The following FAM162B variants were observed in gnomAD, a reference collection of about 807,000 sequenced individuals.
The protein encoded by FAM162B is family with sequence similarity 162 member B.
FAM162B carries 16 observed loss-of-function variants against 20.0 expected under a neutral mutation model. That is an observed-to-expected ratio of 0.80 (90% CI 0.54 to 1.21). FAM162B has a LOEUF of 1.21. Among genes scored for constraint, FAM162B ranks in the 50% most tolerant of loss-of-function variants. FAM162B has a pLI of 0.00. For synonymous variants in FAM162B, 83 were observed against 89.7 expected (o/e 0.93, Z 0.42); for missense variants, 260 against 227.5 (o/e 1.14, Z -0.92).
At chr6:116,754,536 A>C (rs1031970530) in intron 3 of FAM162B, among the ~76,000 whole-genome samples, 1 of 152,218 alleles carries the variant, frequency 6.6e-6, no homozygotes, top group Admixed American at 6.5e-5. Context: ...AAAATTGCTA[A>C]CATTTAATAG....
Position 116,762,461 on chromosome 6 carries a change from A to G in FAM162B, c.282-376T>C, listed in dbSNP as rs574571025. ...ACTTGCAATTATTTAGCCTCTTTGT[A>G]AAGTAGGCTTTGTTTTCCATTTGAA... On this transcript the variant is annotated intron_variant, in intron 2 of 3. Transcript: ENST00000368557. Among the ~76,000 whole-genome samples the G allele has an allele frequency of 2.6e-5, 4 of 151,606 alleles. No homozygotes were observed. The East Asian group carries it at 7.8e-4, about 29-fold the overall frequency.
intron 3 of FAM162B, among the ~76,000 whole-genome samples, chr6:116,756,285 G>A (rs1780050031): frequency 6.6e-6 from 1 of 152,202 alleles, no homozygotes; most frequent in Non-Finnish European, 1.5e-5. Context: ...AGGGGTTCAA[G>A]CCTTCAGTGG....
intron 2 of FAM162B, among the ~76,000 whole-genome samples, chr6:116,763,809 A>G (rs1276540012): frequency 3.0e-5 from 4 of 134,854 alleles, no homozygotes; most frequent in African/African-American, 1.1e-4. Context: ...TTTGGCATTT[A>G]TAGTATTAAA....
At chr6:116,761,234 G>A (rs896418652) in intron 3 of FAM162B, among the ~76,000 whole-genome samples, 4 of 152,078 alleles carry the variant, frequency 2.6e-5, no homozygotes, top group Non-Finnish European at 4.4e-5. Flanking sequence ...GATTTTGGGA[G>A]GCAGAAAACA....
chr6:116,757,628 G>A (rs1780067281), intron 3 of FAM162B, among the ~76,000 whole-genome samples: 1 of 151,820 alleles, frequency 6.6e-6, no homozygotes, highest in Admixed American at 6.6e-5. Flanking sequence ...TGACACCTGT[G>A]GTCCCAGATA....
intron 3 of FAM162B, among the ~76,000 whole-genome samples, chr6:116,757,874 C>A (rs1780071701): frequency 6.6e-6 from 1 of 151,994 alleles, no homozygotes; most frequent in Non-Finnish European, 1.5e-5. Context: ...GCGTTTGAGG[C>A]ACGAGCCTGA....
Position 116,762,072 on chromosome 6 carries a change from C to CT in FAM162B, c.294dup (p.Asp99ArgfsTer38). 1 of 1,584,054 alleles carries CT rather than the reference C, an allele frequency of 6.3e-7. No individual in the cohort carries two copies. The highest frequency in any genetic ancestry group is 8.6e-7 in the Non-Finnish European group (1 of 1,158,504). ...ACTCGAGCTTTGTTTCTTGCGGTGT[C>CT]TATCATTTCTGGCCTAAACAAAGAT... is the stretch of plus-strand genomic sequence containing the variant. On this transcript the variant is annotated frameshift_variant, in exon 3 of 4. Transcript: ENST00000368557. LOFTEE classifies it high-confidence loss of function.
chr6:116,761,920 A>G (rs902033973), intron 3 of FAM162B, 57 bp downstream of exon 3: 3 of 1,262,954 alleles, frequency 2.4e-6, no homozygotes, highest in Non-Finnish European at 3.3e-6. Context: ...TTAGGGAGGT[A>G]CTTAAAAAGA....
intron 2 of FAM162B, 57 bp from the exon 3 acceptor site, chr6:116,762,142 G>A (rs1271066433): frequency 2.2e-6 from 3 of 1,378,046 alleles, no homozygotes; most frequent in African/African-American, 1.4e-5. Flanking sequence ...TTTCTGACAG[G>A]CATGATAGAT....
At chr6:116,765,352 CCCTCCCGCAACCT>C in intron 1 of FAM162B, 40 bp downstream of exon 1, 1 of 1,522,720 alleles carries the variant, frequency 6.6e-7, no homozygotes, top group African/African-American at 1.4e-5. Flanking sequence ...CCCCTCGCTG[CCCTCCCGCAACCT>C]CCTCCCTCCC....
chr6:116,758,067 G>T (rs935513299), intron 3 of FAM162B, among the ~76,000 whole-genome samples: 2 of 152,088 alleles, frequency 1.3e-5, no homozygotes, highest in African/African-American at 4.8e-5. Context: ...AACTAATGAC[G>T]AGCAAATAAA....
chr6:116,765,626 G>A lies in FAM162B; in HGVS notation c.-50C>T, dbSNP rs1212818803. ...CCCGCACCTCCGGACCCAGCCACAG[G>A]CGTTGTCCCCGCAGCTCTCCTCGTC... On this transcript the variant is annotated 5_prime_UTR_variant, in exon 1 of 4. Transcript: ENST00000368557. The A allele has an allele frequency of 7.9e-7, 1 of 1,272,232 alleles. No homozygotes were observed. Among genetic ancestry groups the A allele is most frequent in the Non-Finnish European group, 9.9e-7 (1 of 1,013,572 alleles). 78.8% of individuals were successfully genotyped at this position (1,272,232 alleles called of 1,614,324 possible). A position where few individuals can be genotyped will look rare whatever the true frequency, so the allele number is the denominator to read the frequency against.
intron 3 of FAM162B, among the ~76,000 whole-genome samples, chr6:116,761,635 C>CAT (rs1200824889): frequency 8.5e-6 from 1 of 117,152 alleles, no homozygotes; most frequent in Non-Finnish European, 1.7e-5. Context: ...CATATATATA[C>CAT]ATATATATAC....
chr6:116,758,883 CCTGT>C (rs140074708), intron 3 of FAM162B, among the ~76,000 whole-genome samples: 2,979 of 152,040 alleles, frequency 0.02, 79 homozygotes, highest in South Asian at 0.06. Flanking sequence ...TATTAAGTTG[CCTGT>C]CTATTTGTAT....
intron 3 of FAM162B, among the ~76,000 whole-genome samples, chr6:116,759,594 AC>A (rs1355985147): frequency 6.6e-6 from 1 of 152,068 alleles, no homozygotes; most frequent in African/African-American, 2.4e-5. Context: ...GGCGTGAGCC[AC>A]CGCGCCCGGC....
chr6:116,757,390 G>T (rs1189330085), intron 3 of FAM162B, among the ~76,000 whole-genome samples: 1 of 152,042 alleles, frequency 6.6e-6, no homozygotes, highest in African/African-American at 2.4e-5. Flanking sequence ...ATATAATACG[G>T]TATATGTCAT....
chr6:116,765,048 C>A lies in FAM162B; in HGVS notation c.281+99G>T, dbSNP rs891515292. 4 of 1,114,782 alleles carry A rather than the reference C, an allele frequency of 3.6e-6. No individual in the cohort carries two copies. In the East Asian group the frequency reaches 7.1e-5, roughly 20 times the overall value. The allele number at this position is 1,114,782 out of a possible 1,614,324, so 69.1% of individuals were successfully genotyped here. The stretch of plus-strand genomic sequence containing the variant: ...ATATTGCGAAGTGTTGGCACTGCGG[C>A]CGCTTTCGCTCCTAGGTGGCCGCGG... On this transcript the variant is annotated intron_variant, in intron 2 of 3. Transcript: ENST00000368557.
chr6:116,757,220 T>C (rs1017692424), intron 3 of FAM162B, among the ~76,000 whole-genome samples: 5 of 152,210 alleles, frequency 3.3e-5, no homozygotes, highest in African/African-American at 1.2e-4. Flanking sequence ...AGCACCACCA[T>C]TTAGTAATCA....
In FAM162B at chr6:116,765,010, TGTGTGGTG is replaced by T. The variant is rs1260914645; in HGVS notation, c.281+129_281+136del. 78 of 733,704 alleles carry T rather than the reference TGTGTGGTG, an allele frequency of 1.1e-4. No homozygotes were observed. The African/African-American group carries it at 1.3e-3, about 12-fold the overall frequency. The allele number at this position is 733,704 out of a possible 1,614,324, so 45.4% of individuals were successfully genotyped here. A position where few individuals can be genotyped will look rare whatever the true frequency, so the allele number is the denominator to read the frequency against. On this transcript the variant is annotated intron_variant, in intron 2 of 3. Coordinates refer to ENST00000368557, the MANE Select transcript of FAM162B (RefSeq NM_001085480.3). ...GGGGTGTGTGTGTGGGTAAACTCCG[TGTGTGGTG>T]GGTGATATTGCGAAGTGTTGGCACT...
Sources: gnomAD v4.1 joint callset for allele counts (sites outside exome capture counted in the v4.1 genomes callset) on GRCh38, gnomAD v4.1.1 for gene constraint, MANE v1.5 for transcripts, NCBI Gene and HGNC (gene_info 2026-07-23, HGNC 2026-07-21) for gene names.